SPAG6: variants seen among roughly 807,000 people sequenced by gnomAD.
SPAG6 encodes the protein sperm associated antigen 6, also known as sperm-associated antigen 6.
A neutral mutation model predicts 58.5 loss-of-function variants in SPAG6; 49 were observed. The observed-to-expected ratio is 0.84, with a 90% CI of 0.67 to 1.06. The LOEUF (loss-of-function observed/expected upper bound fraction) is 1.06, where lower values mean the gene tolerates loss of function less well. Among genes scored for constraint, SPAG6 ranks in the 50% least tolerant of loss-of-function variants. The pLI, the probability that SPAG6 is intolerant of heterozygous loss-of-function variation, is 0.00. For synonymous variants in SPAG6, 233 were observed against 225.6 expected, an observed-to-expected ratio of 1.03 and a Z score of -0.29; for missense variants, 560 against 611.3, an observed-to-expected ratio of 0.92 and a Z score of 0.89.
chr10:22,372,013 A>T (rs1012575017), intron 4 of SPAG6, among the ~76,000 whole-genome samples: 1 of 152,128 alleles, frequency 6.6e-6, no homozygotes. Flanking sequence ...CTTTGCAGAT[A>T]AATAAGTGAT....
At position 22,400,445 on chromosome 10, in the gene SPAG6, G is replaced by C. The variant is rs927462432; in HGVS notation, c.1198-716G>C. On this transcript the variant is annotated intron_variant, in intron 8 of 10. Coordinates refer to ENST00000376624, the MANE Select transcript of SPAG6 (RefSeq NM_012443.4). ...CTGTGATGTGCTGCAGCCCCATCAGGGTCCTTCTCCACTTGTAGCAAGGGT... is the reference window on the plus strand; with the variant it reads ...CTGTGATGTGCTGCAGCCCCATCAGCGTCCTTCTCCACTTGTAGCAAGGGT... Among the ~76,000 whole-genome samples the C allele has an allele frequency of 3.3e-5, 5 of 151,978 alleles. No homozygotes were observed. The East Asian group carries it at 9.7e-4, about 30-fold the overall frequency.
chr10:22,355,575 C>A (rs1836843058), intron 2 of SPAG6, among the ~76,000 whole-genome samples: 2 of 152,116 alleles, frequency 1.3e-5, no homozygotes, highest in Non-Finnish European at 2.9e-5. Flanking sequence ...CAATTGAATT[C>A]TATGTAAAAA....
chr10:22,405,074 G>A (rs1442373989), intron 9 of SPAG6, among the ~76,000 whole-genome samples: 14 of 152,130 alleles, frequency 9.2e-5, no homozygotes, highest in South Asian at 2.1e-4. Flanking sequence ...CAATCATGTC[G>A]TCTGCAAACA....
At chr10:22,358,568 A>G (rs912520096) in intron 2 of SPAG6, among the ~76,000 whole-genome samples, 18 of 151,992 alleles carry the variant, frequency 1.2e-4, no homozygotes, top group Non-Finnish European at 2.2e-4. Flanking sequence ...TTTGCTGTGC[A>G]GAAGCTCTTT....
intron 2 of SPAG6, among the ~76,000 whole-genome samples, chr10:22,355,977 A>G (rs1486341581): frequency 6.6e-6 from 1 of 152,276 alleles, no homozygotes; most frequent in African/African-American, 2.4e-5. Flanking sequence ...TTACAGAAAT[A>G]TTAAAAAATC....
At chr10:22,395,396 A>G (rs993713595) in intron 8 of SPAG6, among the ~76,000 whole-genome samples, 3 of 152,042 alleles carry the variant, frequency 2.0e-5, no homozygotes, top group Admixed American at 1.3e-4. Flanking sequence ...TCTTGTTATT[A>G]TCTTTATTTT....
At chr10:22,395,672 T>C (rs899451860) in intron 8 of SPAG6, among the ~76,000 whole-genome samples, 1 of 152,196 alleles carries the variant, frequency 6.6e-6, no homozygotes, top group Non-Finnish European at 1.5e-5. Context: ...TCACATTCTG[T>C]GGGTTATCTT....
intron 7 of SPAG6, among the ~76,000 whole-genome samples, chr10:22,390,690 G>A (rs1400189514): frequency 6.6e-6 from 1 of 152,154 alleles, no homozygotes; most frequent in Admixed American, 6.6e-5. Flanking sequence ...CTTCAGTCTT[G>A]TTACATCCTG....
chr10:22,412,666 G>T, intron 10 of SPAG6: 1 of 498,852 alleles, frequency 2.0e-6, no homozygotes, highest in Non-Finnish European at 3.5e-6. Flanking sequence ...CCGCCTCCCG[G>T]GTTCAAGCTA....
At position 22,391,250 on chromosome 10, in the gene SPAG6, A is replaced by T. The variant is rs530592594; in HGVS notation, c.1006-479A>T. 5.3e-5 allele frequency among the ~76,000 whole-genome samples: 8 copies of T among 152,348 alleles called. No homozygotes were observed. The South Asian group carries it at 6.2e-4, about 12-fold the overall frequency. ...TTTCAGGAAAGGTGTTAGTGAATATATTCCGCTGACAAGGTACTTAGGATT... is the reference window on the plus strand; with the variant it reads ...TTTCAGGAAAGGTGTTAGTGAATATTTTCCGCTGACAAGGTACTTAGGATT... On this transcript the variant is annotated intron_variant, in intron 7 of 10. Coordinates refer to ENST00000376624, the MANE Select transcript of SPAG6 (RefSeq NM_012443.4).
intron 2 of SPAG6, among the ~76,000 whole-genome samples, chr10:22,350,177 ACTT>A (rs199867216): frequency 1.1e-4 from 17 of 152,192 alleles, no homozygotes; most frequent in East Asian, 7.7e-4. Context: ...CAAAACACTG[ACTT>A]CTTCTTAAAA....
chr10:22,408,287 T>A (rs910091023), intron 9 of SPAG6, among the ~76,000 whole-genome samples: 1 of 136,432 alleles, frequency 7.3e-6, no homozygotes, highest in African/African-American at 3.2e-5. Context: ...TGGTCTTTGA[T>A]GATGTTGATG....
At chr10:22,406,964 A>G (rs368424845) in intron 9 of SPAG6, among the ~76,000 whole-genome samples, 10 of 151,262 alleles carry the variant, frequency 6.6e-5, no homozygotes, top group South Asian at 4.2e-4. Flanking sequence ...TGCAACCCCT[A>G]CCTTTTTTTG....
chr10:22,385,349 TG>T (rs1834041896), intron 4 of SPAG6, among the ~76,000 whole-genome samples: 1 of 152,194 alleles, frequency 6.6e-6, no homozygotes, highest in Admixed American at 6.5e-5. Flanking sequence ...TACTGCAGTC[TG>T]TTGGCTATTG....
chr10:22,352,646 T>C lies in SPAG6; in HGVS notation c.121+6828T>C, dbSNP rs573065182. 2.0e-5 allele frequency among the ~76,000 whole-genome samples: 3 copies of C among 152,326 alleles called. No homozygotes were observed. The South Asian group carries it at 6.2e-4, about 32-fold the overall frequency. On this transcript the variant is annotated intron_variant, in intron 2 of 10. Transcript: ENST00000376624. ...GATTCTCCTGCCTCAGCCTTCCTAG[T>C]AGCTGGGATTACTGGCATGTGCCAC...
chr10:22,383,450 C>T (rs1056785881), intron 4 of SPAG6, among the ~76,000 whole-genome samples: 2 of 151,898 alleles, frequency 1.3e-5, no homozygotes, highest in Non-Finnish European at 1.5e-5. Flanking sequence ...CCAGCCTGGC[C>T]AAGATGGTGA....
At chr10:22,411,290 C>T in intron 10 of SPAG6, 114 bp downstream of exon 10, 2 of 757,498 alleles carry the variant, frequency 2.6e-6, no homozygotes, top group East Asian at 2.8e-5. Flanking sequence ...GATGTGAGGC[C>T]AATATGTACC....
intron 2 of SPAG6, among the ~76,000 whole-genome samples, chr10:22,359,695 A>G (rs961530820): frequency 2.0e-4 from 31 of 152,236 alleles, no homozygotes; most frequent in Admixed American, 2.0e-4. Context: ...TTTGTTATGT[A>G]TATTTTGCCA....
At chr10:22,360,861 C>T (rs1837016172) in intron 2 of SPAG6, 2 of 1,514,736 alleles carry the variant, frequency 1.3e-6, no homozygotes, top group Non-Finnish European at 8.9e-7. Context: ...ACCTAATGGA[C>T]AGGCAGGTAA....
Sources: gnomAD v4.1 joint callset for allele counts (sites outside exome capture counted in the v4.1 genomes callset) on GRCh38, gnomAD v4.1.1 for gene constraint, MANE v1.5 for transcripts, NCBI Gene and HGNC (gene_info 2026-07-23, HGNC 2026-07-21) for gene names.